The following HECW2 variants were observed in gnomAD, a reference collection of about 807,000 sequenced individuals.
HECW2 encodes HECT, C2 and WW domain containing E3 ubiquitin protein ligase 2.
Under a neutral mutation model 175.2 loss-of-function variants are expected in HECW2, and 61 were observed. That is an observed-to-expected ratio of 0.35 (90% CI 0.28 to 0.43). The LOEUF (loss-of-function observed/expected upper bound fraction) is 0.43, where lower values mean the gene tolerates loss of function less well. Ranked by LOEUF, HECW2 falls within the 20% of genes least tolerant of loss-of-function variation. The pLI is 1.00. For missense variants in HECW2, 1,524 were observed against 2,000.5 expected (o/e 0.76, Z 4.54); for synonymous variants, 671 against 731.0 (o/e 0.92, Z 1.32).
At chr2:196,461,866 A>G (rs6758218) in intron 1 of HECW2, among the ~76,000 whole-genome samples, 4,686 of 152,238 alleles carry the variant, frequency 0.031, 256 homozygotes, top group African/African-American at 0.11. Context: ...TGGGGACCAC[A>G]GGAACCATGC....
At chr2:196,438,459 A>T (rs1695945207) in intron 1 of HECW2, among the ~76,000 whole-genome samples, 1 of 152,128 alleles carries the variant, frequency 6.6e-6, no homozygotes, top group South Asian at 2.1e-4. Context: ...ATCCAGTGTG[A>T]ATTTTACACT....
intron 1 of HECW2, among the ~76,000 whole-genome samples, chr2:196,490,859 T>C (rs564986619): frequency 5.3e-5 from 8 of 152,192 alleles, no homozygotes; most frequent in African/African-American, 1.4e-4. Context: ...AAAACCAAAA[T>C]ACCATATATT....
At chr2:196,324,702 T>C (rs1559042396) in intron 6 of HECW2, among the ~76,000 whole-genome samples, 1 of 152,200 alleles carries the variant, frequency 6.6e-6, no homozygotes, top group Non-Finnish European at 1.5e-5. Context: ...ATTTTTTGCA[T>C]TAATTGTGAG....
chr2:196,431,660 C>T (rs1450496769), intron 2 of HECW2, among the ~76,000 whole-genome samples: 1 of 152,082 alleles, frequency 6.6e-6, no homozygotes, highest in African/African-American at 2.4e-5. Flanking sequence ...CCCAACAAAA[C>T]TAAGACTTTT....
chr2:196,289,752 A>C (rs897690474), intron 14 of HECW2: 2 of 152,182 alleles, frequency 1.3e-5, no homozygotes, highest in Non-Finnish European at 2.9e-5. Context: ...CTAAAATTCC[A>C]GGGTTGACAG....
chr2:196,527,807 AC>A (rs1320781702), intron 1 of HECW2, among the ~76,000 whole-genome samples: 20 of 152,342 alleles, frequency 1.3e-4, no homozygotes, highest in Admixed American at 1.2e-3. Context: ...GAAGGAGTCC[AC>A]TTGAAATTTT....
chr2:196,401,769 T>A (rs1358711352), intron 2 of HECW2, among the ~76,000 whole-genome samples: 1 of 152,044 alleles, frequency 6.6e-6, no homozygotes, highest in Non-Finnish European at 1.5e-5. Flanking sequence ...AGAGAAAAAA[T>A]TTTTACTAAT....
intron 16 of HECW2, among the ~76,000 whole-genome samples, chr2:196,271,974 C>T (rs1689757411): frequency 6.6e-6 from 1 of 152,040 alleles, no homozygotes; most frequent in African/African-American, 2.4e-5. Context: ...TATCAAATGG[C>T]AAGATGAGGT....
intron 2 of HECW2, among the ~76,000 whole-genome samples, chr2:196,374,436 G>A (rs534687052): frequency 1.9e-3 from 289 of 152,276 alleles, no homozygotes; most frequent in Non-Finnish European, 3.7e-3. Flanking sequence ...TTTCCAAGTG[G>A]TGTACAATGA....
intron 1 of HECW2, among the ~76,000 whole-genome samples, chr2:196,581,809 G>A (rs1690795641): frequency 6.6e-6 from 1 of 152,138 alleles, no homozygotes; most frequent in South Asian, 2.1e-4. Context: ...GCTCATGCCT[G>A]TAATCCCAGC....
intron 2 of HECW2, among the ~76,000 whole-genome samples, chr2:196,413,255 T>C (rs1339315907): frequency 6.6e-6 from 1 of 152,132 alleles, no homozygotes; most frequent in Non-Finnish European, 1.5e-5. Context: ...CTCAGGAAGC[T>C]GGCGTGGGAG....
chr2:196,257,137 T>C (rs1189870544), intron 18 of HECW2, among the ~76,000 whole-genome samples: 1 of 152,196 alleles, frequency 6.6e-6, no homozygotes, highest in Admixed American at 6.5e-5. Context: ...AACCACTGGG[T>C]AGAGCAAAGC....
At chr2:196,452,528 C>T (rs758303994) in intron 1 of HECW2, among the ~76,000 whole-genome samples, 2 of 152,158 alleles carry the variant, frequency 1.3e-5, no homozygotes, top group Non-Finnish European at 2.9e-5. Flanking sequence ...CTTGTAAGAA[C>T]TGGCAACAGA....
In HECW2 at chr2:196,423,928, ACT is replaced by A. The variant is rs767895819; in HGVS notation, c.292+9202_292+9203del. ...ATTTTTTGAGAAGCCTACATAGAAA[ACT>A]CTTTTTATGATGCTTTGCTTTATTG... is the stretch of plus-strand genomic sequence containing the variant. On this transcript the variant is annotated intron_variant, in intron 2 of 28. Transcript: ENST00000644978. Among the ~76,000 whole-genome samples the A allele has an allele frequency of 1.7e-4, 25 of 150,100 alleles. 1 individual carries two copies. The highest frequency in any genetic ancestry group is 1.3e-3 in the South Asian group (6 of 4,776).
At chr2:196,580,465 A>G (rs1223642646) in intron 1 of HECW2, among the ~76,000 whole-genome samples, 1 of 152,182 alleles carries the variant, frequency 6.6e-6, no homozygotes, top group African/African-American at 2.4e-5. Context: ...TAATACAAGG[A>G]AGTCTTAAAA....
At position 196,275,179 on chromosome 2, in the gene HECW2, C is replaced by T. The variant is rs182905113; in HGVS notation, c.3136-1056G>A. 2.0e-5 allele frequency among the ~76,000 whole-genome samples: 3 copies of T among 152,278 alleles called. No individual in the cohort carries two copies. The East Asian group carries it at 5.8e-4, about 29-fold the overall frequency. Reference sequence around the variant, plus strand: ...CGTAGTTCAAACAGCCCCTCCTCGACAAGGTCTTCCCTCTCCTTCAAGCCC... The same window carrying T: ...CGTAGTTCAAACAGCCCCTCCTCGATAAGGTCTTCCCTCTCCTTCAAGCCC... On this transcript the variant is annotated intron_variant, in intron 15 of 28. Coordinates refer to ENST00000644978, the MANE Select transcript of HECW2 (RefSeq NM_001348768.2).
chr2:196,350,902 A>G (rs1259355584), intron 2 of HECW2, among the ~76,000 whole-genome samples: 1 of 152,226 alleles, frequency 6.6e-6, no homozygotes, highest in African/African-American at 2.4e-5. Flanking sequence ...GTGTCTTTGG[A>G]AGAGTTTACG....
intron 2 of HECW2, among the ~76,000 whole-genome samples, chr2:196,386,431 G>A (rs1035047232): frequency 2.6e-5 from 4 of 152,140 alleles, no homozygotes; most frequent in Non-Finnish European, 5.9e-5. Context: ...AGGCCCCCAT[G>A]AGGGAGCTTG....
chr2:196,201,396 C>T lies in HECW2; in HGVS notation c.4608-8G>A, dbSNP rs1209306065. On this transcript the variant is annotated splice_region_variant and splice_polypyrimidine_tract_variant and intron_variant, in intron 28 of 28. Coordinates refer to ENST00000644978, the MANE Select transcript of HECW2 (RefSeq NM_001348768.2). ...TTAAAACATGTATGCGCTCTGAAAA[C>T]ACAAGAAACAGCACATAGTTTAGAA... 3.2e-6 allele frequency: 5 copies of T among 1,583,520 alleles called. No homozygotes were observed. Among genetic ancestry groups the T allele is most frequent in the Non-Finnish European group, 4.3e-6 (5 of 1,152,492 alleles).
Sources: allele counts gnomAD v4.1 joint callset (sites outside exome capture counted in the v4.1 genomes callset), GRCh38; gene constraint gnomAD v4.1.1; transcripts MANE v1.5; gene names NCBI Gene and HGNC (gene_info 2026-07-23, HGNC 2026-07-21).